The following EYS variants were observed in gnomAD, a reference collection of about 807,000 sequenced individuals.
The protein encoded by EYS is protein eyes shut homolog.
A neutral mutation model predicts 282.1 loss-of-function variants in EYS; 250 were observed. The observed-to-expected ratio is 0.89, with a 90% CI of 0.80 to 0.98. The LOEUF is 0.98. Ranked by LOEUF, EYS falls within the 50% of genes least tolerant of loss-of-function variation. The pLI is 0.00. For synonymous variants in EYS, 1,355 were observed against 1,282.9 expected, an observed-to-expected ratio of 1.06 and a Z score of -1.20; for missense variants, 4,016 against 3,709.0, an observed-to-expected ratio of 1.08 and a Z score of -2.15.
chr6:65,137,257 A>C (rs2150206267), intron 12 of EYS, among the ~76,000 whole-genome samples: 1 of 152,270 alleles, frequency 6.6e-6, no homozygotes, highest in Admixed American at 6.5e-5. Flanking sequence ...GTAAAGATTT[A>C]GTTATGAAAC....
At chr6:65,144,380 C>T (rs1032876398) in intron 12 of EYS, among the ~76,000 whole-genome samples, 2 of 152,018 alleles carry the variant, frequency 1.3e-5, no homozygotes, top group Non-Finnish European at 2.9e-5. Flanking sequence ...AGTAAGCTCA[C>T]CTGAGCAATA....
rs1235371693 is a variant in EYS, at chr6:63,797,534, G to A, written c.7412-8310C>T. 2.6e-5 allele frequency: 4 copies of A among 152,190 alleles called. No homozygotes were observed. The South Asian group carries it at 6.2e-4, about 24-fold the overall frequency. 9.4% of individuals were successfully genotyped at this position (152,190 alleles called of 1,614,324 possible). A position where few individuals can be genotyped will look rare whatever the true frequency, so the allele number is the denominator to read the frequency against. On this transcript the variant is annotated intron_variant, in intron 37 of 42. Transcript: ENST00000503581. ...TGGATTAACTCTTAAAGAGCATATA[G>A]TCTCTTTTTATCTTAGACCTGTATA...
intron 41 of EYS, among the ~76,000 whole-genome samples, chr6:63,742,259 T>C (rs1769094706): frequency 6.6e-6 from 1 of 152,184 alleles, no homozygotes; most frequent in African/African-American, 2.4e-5. Flanking sequence ...TCATGCCTGC[T>C]TATCTTGGTG....
intron 29 of EYS, among the ~76,000 whole-genome samples, chr6:64,359,851 G>A (rs1330410419): frequency 6.6e-6 from 1 of 151,538 alleles, no homozygotes; most frequent in Non-Finnish European, 1.5e-5. Flanking sequence ...TGGGGATTAG[G>A]GCTTGGACAT....
intron 8 of EYS, among the ~76,000 whole-genome samples, chr6:65,380,339 T>G (rs926863652): frequency 2.0e-5 from 3 of 152,084 alleles, no homozygotes; most frequent in Non-Finnish European, 2.9e-5. Context: ...CATCTGAGCT[T>G]TGACAAACAT....
In EYS at chr6:65,707,168, G is replaced by A. The variant is rs1769910366; in HGVS notation, c.-481C>T. The A allele has an allele frequency of 6.6e-6, 1 of 152,094 alleles. No individual in the cohort carries two copies. Among genetic ancestry groups the A allele is most frequent in the African/African-American group, 2.4e-5 (1 of 41,444 alleles). 9.4% of individuals were successfully genotyped at this position (152,094 alleles called of 1,614,324 possible). A position where few individuals can be genotyped will look rare whatever the true frequency, so the allele number is the denominator to read the frequency against. ...TTAGCCAAGGAGGCTTGCAACCCTA[G>A]GAGGCTTCTGATTACGGTTAATGTC... On this transcript the variant is annotated 5_prime_UTR_variant, in exon 1 of 43. Coordinates refer to ENST00000503581, the MANE Select transcript of EYS (RefSeq NM_001142800.2).
intron 22 of EYS, among the ~76,000 whole-genome samples, chr6:64,671,688 A>G (rs1769466841): frequency 6.6e-6 from 1 of 152,108 alleles, no homozygotes; most frequent in South Asian, 2.1e-4. Flanking sequence ...TCTGTTGCAA[A>G]CATTATCCTA....
intron 24 of EYS, among the ~76,000 whole-genome samples, chr6:64,601,312 A>T (rs936563444): frequency 6.6e-6 from 1 of 152,100 alleles, no homozygotes; most frequent in Non-Finnish European, 1.5e-5. Flanking sequence ...GCTTATTTAG[A>T]ATCATTATTT....
chr6:64,880,923 A>G (rs1766896708), intron 19 of EYS, among the ~76,000 whole-genome samples: 1 of 151,324 alleles, frequency 6.6e-6, no homozygotes, highest in Non-Finnish European at 1.5e-5. Context: ...TGTATAATAT[A>G]TAAAATAAAT....
At chr6:64,651,151 G>T (rs960267527) in intron 22 of EYS, among the ~76,000 whole-genome samples, 1 of 151,966 alleles carries the variant, frequency 6.6e-6, no homozygotes, top group African/African-American at 2.4e-5. Context: ...TAAAAAAAAG[G>T]TCCACATGAA....
At chr6:64,166,080 G>C (rs1464992564) in intron 31 of EYS, among the ~76,000 whole-genome samples, 1 of 152,078 alleles carries the variant, frequency 6.6e-6, no homozygotes, top group Non-Finnish European at 1.5e-5. Context: ...TCTTAATGTT[G>C]GAAGGCAAAT....
chr6:64,532,615 A>G (rs1046371428), intron 26 of EYS, among the ~76,000 whole-genome samples: 6 of 152,146 alleles, frequency 3.9e-5, no homozygotes, highest in Admixed American at 6.5e-5. Flanking sequence ...AGGCTGAGGC[A>G]GGAGAAAGGC....
At chr6:64,488,216 C>G (rs1582813155) in intron 26 of EYS, among the ~76,000 whole-genome samples, 1 of 150,926 alleles carries the variant, frequency 6.6e-6, no homozygotes, top group East Asian at 1.9e-4. Context: ...GAAGAATTTT[C>G]AAATACCCTT....
chr6:64,874,109 G>A (rs1766673777), intron 19 of EYS, among the ~76,000 whole-genome samples: 1 of 152,056 alleles, frequency 6.6e-6, no homozygotes. Flanking sequence ...AATAATGACA[G>A]TGCAGAAAGG....
chr6:64,726,179 T>G (rs1395716918), intron 22 of EYS, among the ~76,000 whole-genome samples: 1 of 151,656 alleles, frequency 6.6e-6, no homozygotes, highest in Non-Finnish European at 1.5e-5. Flanking sequence ...ATCTCACTCT[T>G]CTTTTATGAG....
intron 41 of EYS, among the ~76,000 whole-genome samples, chr6:63,749,873 C>G (rs1769299809): frequency 1.3e-5 from 2 of 152,200 alleles, no homozygotes; most frequent in African/African-American, 4.8e-5. Context: ...AGTGCCTTCC[C>G]TCTGAAGATC....
chr6:65,699,905 G>C (rs1205278954), intron 1 of EYS, among the ~76,000 whole-genome samples: 1 of 151,644 alleles, frequency 6.6e-6, no homozygotes, highest in Non-Finnish European at 1.5e-5. Context: ...ATGAGGTCAG[G>C]AGATCGAGAC....
intron 33 of EYS, among the ~76,000 whole-genome samples, chr6:64,005,550 A>G (rs1768304684): frequency 1.3e-5 from 2 of 152,158 alleles, no homozygotes; most frequent in African/African-American, 4.8e-5. Context: ...GCCAGGGCCT[A>G]TATTTAGAAT....
rs2149840789 is a variant in EYS at position 64,605,773 on chromosome 6, T to C, written c.3684+11645A>G. On this transcript the variant is annotated intron_variant, in intron 24 of 42. Transcript: ENST00000503581. ...CTATTTTGGTAAGAATACATGGAAT[T>C]AGCAGACACTATAGGTAAATTCGTG... Among the ~76,000 whole-genome samples, 2 of 152,054 alleles carry C rather than the reference T, an allele frequency of 1.3e-5. 1 individual carries two copies. The highest frequency in any genetic ancestry group is 4.1e-4 in the South Asian group (2 of 4,826).
Sources: gnomAD v4.1 joint callset for allele counts (sites outside exome capture counted in the v4.1 genomes callset) on GRCh38, gnomAD v4.1.1 for gene constraint, MANE v1.5 for transcripts, NCBI Gene and HGNC (gene_info 2026-07-23, HGNC 2026-07-21) for gene names.